GPC5: variants seen among roughly 807,000 people sequenced by gnomAD.
GPC5 encodes the protein glypican 5.
A neutral mutation model predicts 53.9 loss-of-function variants in GPC5; 47 were observed. The observed-to-expected ratio is 0.87, with a 90% CI of 0.69 to 1.11. GPC5 has a LOEUF of 1.11. Among genes scored for constraint, GPC5 ranks in the 50% most tolerant of loss-of-function variants. The probability of loss-of-function intolerance (pLI) is 0.00; values close to 1 mark genes in which losing one functional copy is unlikely to be tolerated. For missense variants in GPC5, 748 were observed against 713.1 expected (o/e 1.05, Z -0.56); for synonymous variants, 286 against 263.3 (o/e 1.09, Z -0.84).
chr13:92,155,816 G>T (rs1593939642), intron 7 of GPC5, among the ~76,000 whole-genome samples: 1 of 151,980 alleles, frequency 6.6e-6, no homozygotes, highest in East Asian at 1.9e-4. Context: ...ATTTCTTTGT[G>T]TCTTGTATCC....
chr13:92,721,139 T>C (rs984613042), intron 7 of GPC5, among the ~76,000 whole-genome samples: 9 of 151,982 alleles, frequency 5.9e-5, no homozygotes, highest in African/African-American at 1.9e-4. Flanking sequence ...GGGAACTGAA[T>C]GAAATGTCAA....
At chr13:92,030,726 CT>C in intron 6 of GPC5, among the ~76,000 whole-genome samples, 1 of 152,204 alleles carries the variant, frequency 6.6e-6, no homozygotes, top group East Asian at 1.9e-4. Flanking sequence ...GGCCCGTCTA[CT>C]GGGACAAGTG....
chr13:91,496,908 T>A (rs888771830), intron 2 of GPC5, among the ~76,000 whole-genome samples: 1 of 152,176 alleles, frequency 6.6e-6, no homozygotes. Context: ...GCACCTAATA[T>A]GTACCCGCAA....
At chr13:91,632,795 C>T (rs971328707) in intron 2 of GPC5, among the ~76,000 whole-genome samples, 2 of 152,144 alleles carry the variant, frequency 1.3e-5, no homozygotes, top group Non-Finnish European at 2.9e-5. Context: ...AGGATCCTGA[C>T]ACAGGGCTAT....
intron 4 of GPC5, among the ~76,000 whole-genome samples, chr13:91,742,839 A>C (rs1012129327): frequency 3.9e-5 from 6 of 152,252 alleles, no homozygotes; most frequent in Middle Eastern, 3.4e-3. Context: ...ATTTGCTGTC[A>C]ACCTTAGGTT....
intron 5 of GPC5, among the ~76,000 whole-genome samples, chr13:91,879,907 A>T (rs1299939797): frequency 6.6e-6 from 1 of 152,218 alleles, no homozygotes; most frequent in Non-Finnish European, 1.5e-5. Flanking sequence ...GAATATTTAA[A>T]CTATGTTTAT....
chr13:91,622,416 C>A (rs756268627), intron 2 of GPC5, among the ~76,000 whole-genome samples: 6 of 151,980 alleles, frequency 3.9e-5, no homozygotes, highest in African/African-American at 1.2e-4. Context: ...TACATAAAGG[C>A]GTTTTATGGC....
At chr13:91,718,197 G>A (rs1178992039) in intron 3 of GPC5, among the ~76,000 whole-genome samples, 2 of 151,834 alleles carry the variant, frequency 1.3e-5, no homozygotes, top group Admixed American at 6.6e-5. Context: ...TGCAAGCTCC[G>A]CTTCCCCGGT....
At chr13:92,125,937 T>G (rs1313288260) in intron 6 of GPC5, among the ~76,000 whole-genome samples, 5 of 19,100 alleles carry the variant, frequency 2.6e-4, no homozygotes, top group Non-Finnish European at 5.4e-4. Flanking sequence ...TTTTTTTTTT[T>G]TTTTTTTTTT....
intron 7 of GPC5, among the ~76,000 whole-genome samples, chr13:92,590,974 C>T (rs576492491): frequency 5.3e-5 from 8 of 152,222 alleles, no homozygotes; most frequent in Non-Finnish European, 1.2e-4. Context: ...CAGTACAAGT[C>T]ATATGAAATA....
intron 2 of GPC5, among the ~76,000 whole-genome samples, chr13:91,482,794 G>T (rs939475425): frequency 2.0e-5 from 3 of 151,972 alleles, no homozygotes; most frequent in African/African-American, 7.3e-5. Context: ...TGAAGGAAGG[G>T]CTGAGAAACA....
chr13:92,157,382 G>T (rs891253838), intron 7 of GPC5, among the ~76,000 whole-genome samples: 3 of 152,096 alleles, frequency 2.0e-5, no homozygotes, highest in African/African-American at 7.2e-5. Flanking sequence ...GAGTGAGCTT[G>T]GTCAATGTGA....
chr13:92,769,150 ATG>A (rs1204966930), intron 7 of GPC5, among the ~76,000 whole-genome samples: 1 of 152,170 alleles, frequency 6.6e-6, no homozygotes, highest in African/African-American at 2.4e-5. Flanking sequence ...CCCACCCACT[ATG>A]TGAATATTGT....
At chr13:92,768,950 T>C (rs183515041) in intron 7 of GPC5, among the ~76,000 whole-genome samples, 195 of 152,272 alleles carry the variant, frequency 1.3e-3, no homozygotes, top group African/African-American at 4.5e-3. Context: ...AAACATCCCA[T>C]AGATCACCCG....
At chr13:92,454,641 C>A (rs1314251681) in intron 7 of GPC5, among the ~76,000 whole-genome samples, 18 of 152,186 alleles carry the variant, frequency 1.2e-4, no homozygotes, top group Non-Finnish European at 1.9e-4. Flanking sequence ...GGAGCTTTCA[C>A]TCTAGTGAGA....
At chr13:92,405,750 TTGAG>T (rs1489295435) in intron 7 of GPC5, among the ~76,000 whole-genome samples, 2 of 152,210 alleles carry the variant, frequency 1.3e-5, no homozygotes, top group African/African-American at 4.8e-5. Flanking sequence ...CATCTCTTTT[TTGAG>T]TATTTATAAA....
chr13:91,417,933 A>G (rs1292469010), intron 1 of GPC5, among the ~76,000 whole-genome samples: 2 of 152,140 alleles, frequency 1.3e-5, no homozygotes, highest in Non-Finnish European at 2.9e-5. Flanking sequence ...TCAGTTACCC[A>G]TGATCAACTG....
At chr13:92,439,536 G>T (rs1341090319) in intron 7 of GPC5, among the ~76,000 whole-genome samples, 1 of 152,136 alleles carries the variant, frequency 6.6e-6, no homozygotes, top group Non-Finnish European at 1.5e-5. Context: ...AAAAGAATTT[G>T]ACAATAGAAG....
intron 2 of GPC5, among the ~76,000 whole-genome samples, chr13:91,692,303 A>G (rs1048792598): frequency 1.6e-4 from 24 of 152,186 alleles, no homozygotes; most frequent in African/African-American, 5.5e-4. Context: ...ACAAAATGTG[A>G]TAATTTATGG....
Sources: gnomAD v4.1 joint callset for allele counts (sites outside exome capture counted in the v4.1 genomes callset) on GRCh38, gnomAD v4.1.1 for gene constraint, MANE v1.5 for transcripts, NCBI Gene and HGNC (gene_info 2026-07-23, HGNC 2026-07-21) for gene names.